THSD7B: variants seen among roughly 807,000 people sequenced by gnomAD.
THSD7B encodes the protein thrombospondin type 1 domain containing 7B.
In THSD7B, 138 loss-of-function variants were observed where a neutral mutation model predicts 213.6. The ratio of observed to expected loss-of-function variants is 0.65; its 90% CI spans 0.56 to 0.74. THSD7B has a LOEUF of 0.74. THSD7B is among the 30% of genes least tolerant of loss of function. THSD7B has a pLI of 0.00. For synonymous variants in THSD7B, 742 were observed against 687.0 expected, an observed-to-expected ratio of 1.08 and a Z score of -1.25; for missense variants, 1,931 against 1,991.5, an observed-to-expected ratio of 0.97 and a Z score of 0.58.
chr2:136,939,720 C>T (rs1302647609), intron 2 of THSD7B, among the ~76,000 whole-genome samples: 3 of 152,192 alleles, frequency 2.0e-5, no homozygotes, highest in Non-Finnish European at 4.4e-5. Flanking sequence ...ATGCATCTTA[C>T]CTCTACACAC....
chr2:137,115,184 G>A lies in THSD7B; in HGVS notation c.1260G>A (p.Gln420=). 6.2e-7 allele frequency: 1 copy of A among 1,613,936 alleles called. No individual in the cohort carries two copies. Among genetic ancestry groups the A allele is most frequent in the Non-Finnish European group, 8.5e-7 (1 of 1,179,880 alleles). ...ECQVSLLLEQ[Q]DPHWHVTGPV... is the part of the protein sequence containing the mutation. ...AAGTCTCTCTCCTCCTCGAGCAGCA[G>A]GATCCCCACTGGCATGTGACGGGAC... Residue 420 remains glutamine (Q), a synonymous_variant, in exon 5 of 28, where the codon CAG becomes CAA. Coordinates refer to ENST00000409968, the MANE Select transcript of THSD7B (RefSeq NM_001316349.2).
chr2:137,171,713 C>T (rs538051753), intron 7 of THSD7B, among the ~76,000 whole-genome samples: 23 of 152,280 alleles, frequency 1.5e-4, no homozygotes, highest in African/African-American at 5.5e-4. Context: ...GCGTTTTGAA[C>T]TTATGCAGCT....
intron 12 of THSD7B, among the ~76,000 whole-genome samples, chr2:137,344,200 C>T (rs1684824968): frequency 6.6e-6 from 1 of 151,588 alleles, no homozygotes; most frequent in Admixed American, 6.6e-5. Flanking sequence ...AGCCACTCCC[C>T]CATATCTGTG....
chr2:136,800,172 A>G (rs1682149990), intron 1 of THSD7B, among the ~76,000 whole-genome samples: 2 of 152,060 alleles, frequency 1.3e-5, no homozygotes. Flanking sequence ...ATTAGATTCT[A>G]TAATCATTTA....
chr2:137,603,456 C>T (rs1306656628), intron 17 of THSD7B, among the ~76,000 whole-genome samples: 1 of 152,068 alleles, frequency 6.6e-6, no homozygotes, highest in Non-Finnish European at 1.5e-5. Context: ...CATTGGAACA[C>T]CCAGATCATT....
At chr2:137,517,509 C>T (rs1264808348) in intron 15 of THSD7B, among the ~76,000 whole-genome samples, 1 of 152,162 alleles carries the variant, frequency 6.6e-6, no homozygotes, top group African/African-American at 2.4e-5. Context: ...TTGGTCCCTC[C>T]TACAACTAAG....
At chr2:137,423,249 T>C (rs1686967011) in intron 14 of THSD7B, among the ~76,000 whole-genome samples, 1 of 152,126 alleles carries the variant, frequency 6.6e-6, no homozygotes, top group Non-Finnish European at 1.5e-5. Flanking sequence ...GAATGTCTAT[T>C]CTCAAATTCT....
At chr2:136,902,658 T>G (rs137870151) in intron 2 of THSD7B, among the ~76,000 whole-genome samples, 164 of 152,176 alleles carry the variant, frequency 1.1e-3, no homozygotes, top group African/African-American at 3.7e-3. Flanking sequence ...ATCTAAACAG[T>G]AGAAAGTCAT....
At chr2:137,129,200 C>A (rs961858755) in intron 5 of THSD7B, among the ~76,000 whole-genome samples, 4 of 152,096 alleles carry the variant, frequency 2.6e-5, no homozygotes, top group Non-Finnish European at 5.9e-5. Flanking sequence ...TTAAAAGACA[C>A]AGTGGTGATA....
rs571374412 is a variant in THSD7B at position 136,818,475 on chromosome 2, C to T, written c.-36+52788C>T. Among the ~76,000 whole-genome samples, 242 of 151,290 alleles carry T rather than the reference C, an allele frequency of 1.6e-3. 2 individuals are homozygous for T. The highest frequency in any genetic ancestry group is 2.7e-3 in the Non-Finnish European group (185 of 67,862). On this transcript the variant is annotated intron_variant, in intron 1 of 27. Transcript: ENST00000409968. ...TGACGAGTTAGTGGGTGCAGTGCAC[C>T]AGCATGGCACATGTATACATATGTA...
intron 2 of THSD7B, among the ~76,000 whole-genome samples, chr2:137,013,565 C>T (rs1222307193): frequency 6.6e-6 from 1 of 152,140 alleles, no homozygotes; most frequent in Non-Finnish European, 1.5e-5. Context: ...TTGTGAGGGT[C>T]CAAAGGCTAT....
chr2:137,266,857 A>G (rs575504220), intron 10 of THSD7B, among the ~76,000 whole-genome samples: 1 of 152,196 alleles, frequency 6.6e-6, no homozygotes, highest in Non-Finnish European at 1.5e-5. Context: ...CCCTACTCTT[A>G]CATTTTAAAT....
At chr2:137,006,429 TAC>T (rs1403198042) in intron 2 of THSD7B, among the ~76,000 whole-genome samples, 1 of 151,910 alleles carries the variant, frequency 6.6e-6, no homozygotes, top group Non-Finnish European at 1.5e-5. Context: ...CATACATACA[TAC>T]ATACATACAT....
chr2:137,648,824 G>A (rs775555555), intron 21 of THSD7B, among the ~76,000 whole-genome samples: 1 of 151,934 alleles, frequency 6.6e-6, no homozygotes, highest in Non-Finnish European at 1.5e-5. Context: ...TCCATTTTTA[G>A]TTTTTTGAGG....
chr2:137,242,363 G>A (rs1681928965), intron 9 of THSD7B, 94 bp from the exon 10 acceptor site: 6 of 880,572 alleles, frequency 6.8e-6, no homozygotes, highest in South Asian at 4.7e-5. Flanking sequence ...GGAACATGAG[G>A]CCCTTAATAT....
chr2:137,150,262 A>T (rs1169617976), intron 5 of THSD7B, among the ~76,000 whole-genome samples: 1 of 151,784 alleles, frequency 6.6e-6, no homozygotes, highest in Non-Finnish European at 1.5e-5. Context: ...AAAAAAGAAA[A>T]AGAAAAAGAA....
intron 2 of THSD7B, among the ~76,000 whole-genome samples, chr2:137,055,028 A>G (rs529683768): frequency 6.6e-6 from 1 of 152,114 alleles, no homozygotes; most frequent in African/African-American, 2.4e-5. Context: ...GAGAACATGC[A>G]GTGTTTGGTT....
intron 5 of THSD7B, among the ~76,000 whole-genome samples, chr2:137,133,082 G>A (rs567202468): frequency 6.6e-6 from 1 of 152,158 alleles, no homozygotes; most frequent in East Asian, 1.9e-4. Context: ...TTTCTGTGTG[G>A]TTACTGTCTA....
At chr2:137,160,684 C>T (rs1299920225) in intron 6 of THSD7B, among the ~76,000 whole-genome samples, 1 of 152,172 alleles carries the variant, frequency 6.6e-6, no homozygotes, top group Non-Finnish European at 1.5e-5. Context: ...AGTGCAATGG[C>T]ACGATCTTGG....
Sources: gnomAD v4.1 joint callset for allele counts (sites outside exome capture counted in the v4.1 genomes callset) on GRCh38, gnomAD v4.1.1 for gene constraint, MANE v1.5 for transcripts, NCBI Gene and HGNC (gene_info 2026-07-23, HGNC 2026-07-21) for gene names.